LRFN2: variants seen among roughly 807,000 people sequenced by gnomAD.
The protein encoded by LRFN2 is leucine rich repeat and fibronectin type III domain containing 2, also known as leucine-rich repeat and fibronectin type-III domain-containing protein 2.
Under a neutral mutation model 37.3 loss-of-function variants are expected in LRFN2, and 18 were observed. The ratio of observed to expected loss-of-function variants is 0.48; its 90% CI spans 0.33 to 0.72. The LOEUF is 0.72. Among genes scored for constraint, LRFN2 ranks in the 30% least tolerant of loss-of-function variants. The pLI is 0.02. For synonymous variants in LRFN2, 556 were observed against 466.6 expected, an observed-to-expected ratio of 1.19 and a Z score of -2.47; for missense variants, 1,006 against 1,060.7, an observed-to-expected ratio of 0.95 and a Z score of 0.72.
intron 2 of LRFN2, among the ~76,000 whole-genome samples, chr6:40,404,788 T>A (rs891803792): frequency 2.6e-5 from 4 of 152,232 alleles, no homozygotes; most frequent in Admixed American, 2.6e-4. Flanking sequence ...GAGGCTTTGA[T>A]CTAGACCTCT....
chr6:40,412,394 G>A (rs189362527), intron 2 of LRFN2, among the ~76,000 whole-genome samples: 21 of 152,292 alleles, frequency 1.4e-4, no homozygotes, highest in African/African-American at 5.1e-4. Context: ...AAGCAAGCGA[G>A]GTCCCACCCC....
At chr6:40,520,635 G>A (rs1011420297) in intron 1 of LRFN2, among the ~76,000 whole-genome samples, 1 of 152,122 alleles carries the variant, frequency 6.6e-6, no homozygotes, top group Non-Finnish European at 1.5e-5. Context: ...ACAATCTGAG[G>A]AGGACGAGCA....
intron 1 of LRFN2, among the ~76,000 whole-genome samples, chr6:40,531,751 C>G (rs1326412537): frequency 6.6e-6 from 1 of 152,064 alleles, no homozygotes; most frequent in Non-Finnish European, 1.5e-5. Flanking sequence ...TCTCCACTAC[C>G]ACTGCCCCCT....
chr6:40,543,974 C>T (rs374964739), intron 1 of LRFN2, among the ~76,000 whole-genome samples: 2 of 152,212 alleles, frequency 1.3e-5, no homozygotes, highest in African/African-American at 4.8e-5. Flanking sequence ...TGGGGAAGCA[C>T]CTGCTGACCT....
chr6:40,573,037 G>A (rs1767214581), intron 1 of LRFN2, among the ~76,000 whole-genome samples: 1 of 152,224 alleles, frequency 6.6e-6, no homozygotes, highest in South Asian at 2.1e-4. Flanking sequence ...GAACAGAACT[G>A]AAAAGGACTG....
At chr6:40,479,749 C>A (rs1212756786) in intron 1 of LRFN2, among the ~76,000 whole-genome samples, 2 of 152,190 alleles carry the variant, frequency 1.3e-5, no homozygotes, top group African/African-American at 4.8e-5. Context: ...CCCCTGTCGT[C>A]ACCACAGAGC....
chr6:40,482,868 C>T (rs1462518538), intron 1 of LRFN2, among the ~76,000 whole-genome samples: 4 of 152,328 alleles, frequency 2.6e-5, no homozygotes, highest in Middle Eastern at 3.4e-3. Context: ...AATGGGCTCC[C>T]GGGTGGTGCA....
At chr6:40,579,613 AACACACACAC>A (rs34819147) in intron 1 of LRFN2, among the ~76,000 whole-genome samples, 10 of 145,058 alleles carry the variant, frequency 6.9e-5, no homozygotes, top group Middle Eastern at 6.9e-3. Flanking sequence ...AACACACACA[AACACACACAC>A]ACACACACAC....
At chr6:40,418,969 C>T (rs1192909099) in intron 2 of LRFN2, among the ~76,000 whole-genome samples, 1 of 152,194 alleles carries the variant, frequency 6.6e-6, no homozygotes, top group South Asian at 2.1e-4. Context: ...CCAGCAGCAT[C>T]AGCATCCCGG....
In LRFN2 at chr6:40,489,187, G is replaced by A. The variant is rs181664844; in HGVS notation, c.-18-56056C>T. On this transcript the variant is annotated intron_variant, in intron 1 of 2. Transcript: ENST00000338305. ...ATCTCACTGCCTTCTCTGCATCCCT[G>A]CTGTTGCTTTAGTGTATTTGAAAAC... is the stretch of plus-strand genomic sequence containing the variant. Among the ~76,000 whole-genome samples, 17 of 152,250 alleles carry A rather than the reference G, an allele frequency of 1.1e-4. No individual in the cohort carries two copies. The East Asian group carries it at 3.1e-3, about 28-fold the overall frequency.
chr6:40,457,039 C>G (rs929821820), intron 1 of LRFN2, among the ~76,000 whole-genome samples: 2 of 152,216 alleles, frequency 1.3e-5, no homozygotes, highest in East Asian at 3.9e-4. Flanking sequence ...CCCAAACCAC[C>G]TCCCCTGCAC....
At chr6:40,418,086 A>C (rs1372503495) in intron 2 of LRFN2, among the ~76,000 whole-genome samples, 1 of 152,198 alleles carries the variant, frequency 6.6e-6, no homozygotes, top group Admixed American at 6.5e-5. Context: ...CATCATGGCC[A>C]GCAAGGGCCT....
At chr6:40,398,872 G>A (rs548578693) in intron 2 of LRFN2, among the ~76,000 whole-genome samples, 5 of 151,754 alleles carry the variant, frequency 3.3e-5, no homozygotes, top group Admixed American at 1.3e-4. Context: ...ACAAATCTAC[G>A]GCTGATACTA....
At chr6:40,584,125 G>T (rs577147123) in intron 1 of LRFN2, among the ~76,000 whole-genome samples, 9 of 152,220 alleles carry the variant, frequency 5.9e-5, no homozygotes, top group African/African-American at 1.9e-4. Flanking sequence ...ATGTCTGATG[G>T]CATCAAACCC....
chr6:40,452,714 AG>A (rs1372508540), intron 1 of LRFN2, among the ~76,000 whole-genome samples: 1 of 152,158 alleles, frequency 6.6e-6, no homozygotes, highest in Non-Finnish European at 1.5e-5. Flanking sequence ...GACATAAGGG[AG>A]GTTCCTTTGA....
intron 1 of LRFN2, among the ~76,000 whole-genome samples, chr6:40,470,322 C>A (rs985355441): frequency 6.6e-6 from 1 of 152,180 alleles, no homozygotes; most frequent in Non-Finnish European, 1.5e-5. Flanking sequence ...CAATTTAAGA[C>A]GCTGTGTGGC....
At chr6:40,537,488 G>A (rs896917040) in intron 1 of LRFN2, among the ~76,000 whole-genome samples, 2 of 152,126 alleles carry the variant, frequency 1.3e-5, no homozygotes, top group Non-Finnish European at 2.9e-5. Context: ...AGTATCAGGG[G>A]AACTGAGCGG....
chr6:40,529,643 A>G (rs963592722), intron 1 of LRFN2, among the ~76,000 whole-genome samples: 1 of 152,236 alleles, frequency 6.6e-6, no homozygotes, highest in Non-Finnish European at 1.5e-5. Context: ...ATTCAAATCA[A>G]TAGTCACATT....
chr6:40,395,499 G>A (rs529677747), intron 2 of LRFN2, among the ~76,000 whole-genome samples: 15 of 152,220 alleles, frequency 9.9e-5, no homozygotes, highest in Non-Finnish European at 1.9e-4. Flanking sequence ...GGCAGGGCCT[G>A]AGGAGCCCTG....
Sources: gnomAD v4.1 joint callset for allele counts (sites outside exome capture counted in the v4.1 genomes callset) on GRCh38, gnomAD v4.1.1 for gene constraint, MANE v1.5 for transcripts, NCBI Gene and HGNC (gene_info 2026-07-23, HGNC 2026-07-21) for gene names.